The following SLFN5 variants were observed in gnomAD, a reference collection of about 807,000 sequenced individuals.
The protein encoded by SLFN5 is schlafen family member 5.
In SLFN5, 34 loss-of-function variants were observed where a neutral mutation model predicts 48.5. That is an observed-to-expected ratio of 0.70 (90% CI 0.53 to 0.93). The LOEUF is 0.93. Among genes scored for constraint, SLFN5 ranks in the 40% least tolerant of loss-of-function variants. The pLI is 0.00. For missense variants in SLFN5, 1,006 were observed against 1,071.3 expected, an observed-to-expected ratio of 0.94 and a Z score of 0.85; for synonymous variants, 387 against 396.2, an observed-to-expected ratio of 0.98 and a Z score of 0.28.
rs1306358193 is a variant in SLFN5 at position 35,265,145 on chromosome 17, C to T, written c.1933C>T (p.His645Tyr). Residue 645 changes from histidine (H) to tyrosine (Y), a missense_variant, in exon 5 of 5, where the codon CAC (histidine) becomes TAC (tyrosine). His to Tyr is a moderately conservative substitution (Grantham distance 83, BLOSUM62 2). Coordinates refer to ENST00000299977, the MANE Select transcript of SLFN5 (RefSeq NM_144975.4). ...GAAAAACAACTTTGAACACATCCAG[C>T]ACATTATCATTGATGACGCTCAGAA... is the stretch of plus-strand genomic sequence containing the variant. ...FMKNNFEHIQ[H>Y]IIIDDAQNFR... The T allele has an allele frequency of 6.2e-7, 1 of 1,614,204 alleles. No homozygotes were observed. The highest frequency in any genetic ancestry group is 1.1e-5 in the South Asian group (1 of 91,086).
intron 4 of SLFN5, 58 bp from the exon 5 acceptor site, chr17:35,265,012 TAA>T: frequency 6.4e-7 from 1 of 1,557,660 alleles, no homozygotes; most frequent in Non-Finnish European, 8.7e-7. Flanking sequence ...CAGAGGGGTT[TAA>T]GAGTAGAATC....
chr17:35,263,909 T>G (rs1904595901), intron 3 of SLFN5, among the ~76,000 whole-genome samples: 1 of 152,164 alleles, frequency 6.6e-6, no homozygotes, highest in Non-Finnish European at 1.5e-5. Context: ...ATTTTCTTCT[T>G]TCCTAAATTG....
chr17:35,261,922 A>T (rs1360273162), intron 3 of SLFN5, among the ~76,000 whole-genome samples: 4 of 119,280 alleles, frequency 3.4e-5, no homozygotes, highest in Non-Finnish European at 7.2e-5. Context: ...CAGGTAATAC[A>T]CCCACCTCGG....
chr17:35,258,701 G>A lies in SLFN5; in HGVS notation c.11G>A (p.Arg4Lys). 6.2e-7 allele frequency: 1 copy of A among 1,613,324 alleles called. No homozygotes were observed. The highest frequency in any genetic ancestry group is 2.2e-5 in the East Asian group (1 of 44,862). MSL[R>K]IDVDTNFPEC... ...CCAAGTGCTGAGAAGATGAGTCTTA[G>A]GATTGATGTGGATACAAACTTTCCT... is the stretch of plus-strand genomic sequence containing the variant. Residue 4 changes from arginine to lysine, a missense_variant, in exon 2 of 5, where the codon AGG (arginine) becomes AAG (lysine). Physicochemically the swap from Arg to Lys is conservative, Grantham distance 26 (BLOSUM62 2). Transcript: ENST00000299977.
intron 1 of SLFN5, among the ~76,000 whole-genome samples, chr17:35,250,514 G>C (rs1195954960): frequency 6.6e-6 from 1 of 152,122 alleles, no homozygotes; most frequent in Non-Finnish European, 1.5e-5. Flanking sequence ...TCAAAAATTA[G>C]CCAGGCGTGG....
At position 35,258,935 on chromosome 17, in the gene SLFN5, T is replaced by G; in HGVS notation, c.245T>G (p.Phe82Cys). 1 of 1,614,214 alleles carries G rather than the reference T, an allele frequency of 6.2e-7. No homozygotes were observed. The highest frequency in any genetic ancestry group is 8.5e-7 in the Non-Finnish European group (1 of 1,180,028). ...HGVGLDVPPIFRSHLDKMQKE... is the reference protein window; with the variant it reads ...HGVGLDVPPICRSHLDKMQKE... ...GTAGGATTGGATGTGCCTCCAATTT[T>G]CAGAAGCCATTTAGATAAGATGCAG... The change falls in exon 2 of 5, where the codon TTC (phenylalanine) becomes TGC (cysteine). Residue 82 changes from phenylalanine to cysteine, a missense_variant. Coordinates refer to ENST00000299977, the MANE Select transcript of SLFN5 (RefSeq NM_144975.4).
At chr17:35,244,466 T>C (rs1316656070) in intron 1 of SLFN5, among the ~76,000 whole-genome samples, 1 of 152,084 alleles carries the variant, frequency 6.6e-6, no homozygotes, top group Admixed American at 6.6e-5. Context: ...CTAAAGTTTG[T>C]CTGGCCTCGC....
At position 35,270,559 on chromosome 17, in the gene SLFN5, G is replaced by C. The variant is rs772139145; in HGVS notation, c.*4671G>C. 12 of 152,340 alleles carry C rather than the reference G, an allele frequency of 7.9e-5. No homozygotes were observed. The highest frequency in any genetic ancestry group is 1.5e-4 in the Non-Finnish European group (10 of 68,136). The allele number at this position is 152,340 out of a possible 1,614,324, so 9.4% of individuals were successfully genotyped here. A position where few individuals can be genotyped will look rare whatever the true frequency, so the allele number is the denominator to read the frequency against. On this transcript the variant is annotated 3_prime_UTR_variant, in exon 5 of 5. Transcript: ENST00000299977. ...CAGGACAGAATCTCCCAGCCAGAAA[G>C]TGTTGCCCTGAGGCTGAAGCCAAAT...
At chr17:35,262,950 T>C (rs953526191) in intron 3 of SLFN5, among the ~76,000 whole-genome samples, 8 of 152,192 alleles carry the variant, frequency 5.3e-5, no homozygotes, top group African/African-American at 1.9e-4. Flanking sequence ...CTGTTGCCTG[T>C]ACCTATAGTT....
In SLFN5 at chr17:35,257,243, G is replaced by A. The variant is rs150895740; in HGVS notation, c.-40-1408G>A. ...ACATTTCCCACTGAACAGTAATCAAGTATCACTGTGACTCAGCTATTTCTG... is the reference window on the plus strand; with the variant it reads ...ACATTTCCCACTGAACAGTAATCAAATATCACTGTGACTCAGCTATTTCTG... On this transcript the variant is annotated intron_variant, in intron 1 of 4. Coordinates refer to ENST00000299977, the MANE Select transcript of SLFN5 (RefSeq NM_144975.4). Among the ~76,000 whole-genome samples, 10 of 152,300 alleles carry A rather than the reference G, an allele frequency of 6.6e-5. No homozygotes were observed. The East Asian group carries it at 1.9e-3, about 29-fold the overall frequency.
At chr17:35,258,154 G>A (rs1006763904) in intron 1 of SLFN5, among the ~76,000 whole-genome samples, 2 of 152,304 alleles carry the variant, frequency 1.3e-5, no homozygotes, top group African/African-American at 2.4e-5. Flanking sequence ...CTTAATTCAT[G>A]TATAAATCTG....
intron 1 of SLFN5, among the ~76,000 whole-genome samples, chr17:35,254,749 G>A (rs1203533845): frequency 1.3e-5 from 2 of 152,214 alleles, no homozygotes. Context: ...GGGCGTGGTG[G>A]CTCACGCCTG....
In SLFN5 at chr17:35,266,486, T is replaced by A. The variant is rs1380844516; in HGVS notation, c.*598T>A. Reference sequence around the variant, plus strand: ...AGACCACATTATATTACTTTATTATTTTCTGCTTTTTCTTTTAACGACATT... The same window carrying A: ...AGACCACATTATATTACTTTATTATATTCTGCTTTTTCTTTTAACGACATT... On this transcript the variant is annotated 3_prime_UTR_variant, in exon 5 of 5. Coordinates refer to ENST00000299977, the MANE Select transcript of SLFN5 (RefSeq NM_144975.4). 1 of 152,232 alleles carries A rather than the reference T, an allele frequency of 6.6e-6. No homozygotes were observed. Among genetic ancestry groups the A allele is most frequent in the Non-Finnish European group, 1.5e-5 (1 of 68,062 alleles). The allele number at this position is 152,232 out of a possible 1,614,324, so 9.4% of individuals were successfully genotyped here. A position where few individuals can be genotyped will look rare whatever the true frequency, so the allele number is the denominator to read the frequency against.
chr17:35,264,251 C>G lies in SLFN5; in HGVS notation c.1207C>G (p.Leu403Val). Reference protein sequence around the residue: ...YKELFSQHKGLRDLINTEMRP... With the variant: ...YKELFSQHKGVRDLINTEMRP... ...GGAACTCTTCTCACAACATAAAGGA[C>G]TCAGAGACTTAATAAATACAGAAAT... Residue 403 changes from leucine (L) to valine (V), a missense_variant, in exon 4 of 5, where the codon CTC (leucine) becomes GTC (valine). Physicochemically the swap from Leu to Val is conservative, Grantham distance 32. Transcript: ENST00000299977. The G allele has an allele frequency of 6.2e-7, 1 of 1,614,070 alleles. No homozygotes were observed. The highest frequency in any genetic ancestry group is 8.5e-7 in the Non-Finnish European group (1 of 1,180,030).
chr17:35,261,392 G>A (rs1317883175), intron 3 of SLFN5, among the ~76,000 whole-genome samples: 3 of 152,118 alleles, frequency 2.0e-5, no homozygotes, highest in Non-Finnish European at 4.4e-5. Flanking sequence ...TGAAAAGACT[G>A]GGCACAGTGG....
chr17:35,249,387 A>G (rs759860103), intron 1 of SLFN5, among the ~76,000 whole-genome samples: 1 of 152,222 alleles, frequency 6.6e-6, no homozygotes, highest in African/African-American at 2.4e-5. Flanking sequence ...GTTCAGATCA[A>G]TGAGGGTGCT....
chr17:35,256,203 A>G (rs1034703747), intron 1 of SLFN5, among the ~76,000 whole-genome samples: 2 of 152,188 alleles, frequency 1.3e-5, no homozygotes, highest in Admixed American at 1.3e-4. Context: ...TACTAAAAAT[A>G]CAAAAATTAG....
chr17:35,259,232 T>C lies in SLFN5; in HGVS notation c.542T>C (p.Leu181Pro). The change falls in exon 2 of 5, where the codon CTT becomes CCT. Residue 181 changes from leucine to proline, a missense_variant. Transcript: ENST00000299977. Reference sequence around the variant, plus strand: ...GCTGCTTTATTTGATAGAAAGCGGCTTCAGTATCTGGAAAAACTCAACCTT... The same window carrying C: ...GCTGCTTTATTTGATAGAAAGCGGCCTCAGTATCTGGAAAAACTCAACCTT... ...SAAALFDRKRLQYLEKLNLPE... is the reference protein window; with the variant it reads ...SAAALFDRKRPQYLEKLNLPE... 6.2e-7 allele frequency: 1 copy of C among 1,614,100 alleles called. No individual in the cohort carries two copies. The highest frequency in any genetic ancestry group is 8.5e-7 in the Non-Finnish European group (1 of 1,180,024).
At chr17:35,250,269 T>C (rs1031631365) in intron 1 of SLFN5, among the ~76,000 whole-genome samples, 1 of 152,180 alleles carries the variant, frequency 6.6e-6, no homozygotes, top group African/African-American at 2.4e-5. Flanking sequence ...CAGTCAATAC[T>C]TTTCTGCCTT....
Sources: gnomAD v4.1 joint callset for allele counts (sites outside exome capture counted in the v4.1 genomes callset) on GRCh38, gnomAD v4.1.1 for gene constraint, MANE v1.5 for transcripts, NCBI Gene and HGNC (gene_info 2026-07-23, HGNC 2026-07-21) for gene names.